Variants in CRX observed in about 807,000 individuals in gnomAD.
The protein encoded by CRX is cone-rod homeobox.
Under a neutral mutation model 13.1 loss-of-function variants are expected in CRX, and 5 were observed. The ratio of observed to expected loss-of-function variants is 0.38; its 90% CI spans 0.20 to 0.80. The LOEUF (loss-of-function observed/expected upper bound fraction) is 0.80. Among genes scored for constraint, CRX ranks in the 30% least tolerant of loss-of-function variants. The pLI is 0.43. For missense variants in CRX, 351 were observed against 391.8 expected, an observed-to-expected ratio of 0.90 and a Z score of 0.88; for synonymous variants, 179 against 171.1, an observed-to-expected ratio of 1.05 and a Z score of -0.36.
At chr19:47,832,937 T>TC (rs1356808274) in intron 1 of CRX, among the ~76,000 whole-genome samples, 4 of 152,000 alleles carry the variant, frequency 2.6e-5, no homozygotes, top group Admixed American at 6.6e-5. Context: ...AGTGTGCCTT[T>TC]CCCCACACTG....
At chr19:47,828,775 G>A (rs1394658946) in intron 1 of CRX, among the ~76,000 whole-genome samples, 1 of 151,890 alleles carries the variant, frequency 6.6e-6, no homozygotes, top group Non-Finnish European at 1.5e-5. Flanking sequence ...GCAAATAGCT[G>A]TGGAGGGTGA....
At position 47,840,291 on chromosome 19, in the gene CRX, A is replaced by G. The variant is rs1968178851; in HGVS notation, c.*324A>G. 8.3e-6 allele frequency: 3 copies of G among 362,800 alleles called. No homozygotes were observed. The highest frequency in any genetic ancestry group is 1.5e-5 in the Non-Finnish European group (3 of 194,232). The allele number at this position is 362,800 out of a possible 1,614,324, so 22.5% of individuals were successfully genotyped here. ...ACTTGCTCCAAGAAGAAGTCAAACCAAACTTGCAGTTGATTTGGGGTCATG... is the reference window on the plus strand; with the variant it reads ...ACTTGCTCCAAGAAGAAGTCAAACCGAACTTGCAGTTGATTTGGGGTCATG... On this transcript the variant is annotated 3_prime_UTR_variant, in exon 4 of 4. Coordinates refer to ENST00000221996, the MANE Select transcript of CRX (RefSeq NM_000554.6).
rs926357313 is a variant in CRX at position 47,834,598 on chromosome 19, C to T, written c.100+55C>T. 3.5e-6 allele frequency: 5 copies of T among 1,443,786 alleles called. No homozygotes were observed. In the South Asian group the frequency reaches 3.5e-5, roughly 10 times the overall value. 89.4% of individuals were successfully genotyped at this position (1,443,786 alleles called of 1,614,324 possible). On this transcript the variant is annotated intron_variant, in intron 2 of 3. Transcript: ENST00000221996. ...AGGCTGGCCTCATCTCTTGGAGGAC[C>T]TCTGGGGTCCCTTTGCCCCCAGGAA...
At position 47,839,724 on chromosome 19, in the gene CRX, C is replaced by G. The variant is rs769225000; in HGVS notation, c.657C>G (p.Asp219Glu). The change falls in exon 4 of 4, where the codon GAC becomes GAG. Residue 219 changes from aspartate (D) to glutamate (E), a missense_variant. Coordinates refer to ENST00000221996, the MANE Select transcript of CRX (RefSeq NM_000554.6). This position sits in a 1 kb window ranked among gnomAD's most constrained non-coding sequence, Gnocchi z 4.6. The stretch of plus-strand genomic sequence containing the variant: ...CGAGCTCCTATTTCAGCGGCCTAGA[C>G]CCCTACCTTTCTCCCATGGTGCCCC... ...GSPSSYFSGL[D>E]PYLSPMVPQL... The G allele has an allele frequency of 6.2e-6, 10 of 1,613,958 alleles. No individual in the cohort carries two copies. In the African/African-American group the frequency reaches 1.1e-4, roughly 17 times the overall value.
Position 47,839,776 on chromosome 19 carries a change from C to G in CRX, c.709C>G (p.Leu237Val), listed in dbSNP as rs900654983. Residue 237 changes from leucine to valine, a missense_variant, in exon 4 of 4, where the codon CTC (leucine) becomes GTC (valine). By Grantham distance (32) the Leu-to-Val change is conservative. Coordinates refer to ENST00000221996, the MANE Select transcript of CRX (RefSeq NM_000554.6). This position sits in a 1 kb window ranked among gnomAD's most constrained non-coding sequence, Gnocchi z 4.6. ...GCTAGGGGGCCCGGCTCTTAGCCCC[C>G]TCTCTGGCCCCTCCGTGGGACCTTC... ...PQLGGPALSP[L>V]SGPSVGPSLA... is the part of the protein sequence containing the mutation. 23 of 1,614,140 alleles carry G rather than the reference C, an allele frequency of 1.4e-5. No homozygotes were observed. Among genetic ancestry groups the G allele is most frequent in the Non-Finnish European group, 1.8e-5 (21 of 1,180,000 alleles).
chr19:47,838,329 GTTTA>G (rs994148663), intron 3 of CRX, among the ~76,000 whole-genome samples: 3 of 152,006 alleles, frequency 2.0e-5, no homozygotes, highest in Admixed American at 6.6e-5. Flanking sequence ...GACTGGATGG[GTTTA>G]TTTGTGTATA....
At chr19:47,828,930 ACACACACACAC>A (rs1555801205) in intron 1 of CRX, among the ~76,000 whole-genome samples, 3 of 150,922 alleles carry the variant, frequency 2.0e-5, no homozygotes, top group Non-Finnish European at 4.4e-5. Flanking sequence ...ACACACACAC[ACACACACACAC>A]AATTAAAAAG....
At chr19:47,825,256 C>T (rs530650536) in intron 1 of CRX, among the ~76,000 whole-genome samples, 1 of 151,810 alleles carries the variant, frequency 6.6e-6, no homozygotes, top group Admixed American at 6.6e-5. Context: ...GAGCCACTGG[C>T]CTGGCCTGTT....
chr19:47,835,266 C>T (rs1177092361), intron 2 of CRX, among the ~76,000 whole-genome samples: 5 of 151,830 alleles, frequency 3.3e-5, no homozygotes, highest in Non-Finnish European at 7.4e-5. Flanking sequence ...CTATGTTGCC[C>T]AGGCTGGTCT....
intron 1 of CRX, among the ~76,000 whole-genome samples, chr19:47,827,013 A>G (rs1049709732): frequency 2.6e-5 from 4 of 152,192 alleles, no homozygotes; most frequent in Admixed American, 6.6e-5. Flanking sequence ...TCCTCACAAC[A>G]TGGCGGCTGG....
At chr19:47,828,091 C>T (rs1489521680) in intron 1 of CRX, among the ~76,000 whole-genome samples, 2 of 151,330 alleles carry the variant, frequency 1.3e-5, no homozygotes, top group African/African-American at 2.4e-5. Context: ...GAGGCAGAGG[C>T]TGCAGTGAGC....
At chr19:47,826,529 CAGGAGGTCG>C (rs1398739402) in intron 1 of CRX, among the ~76,000 whole-genome samples, 1 of 152,070 alleles carries the variant, frequency 6.6e-6, no homozygotes, top group Non-Finnish European at 1.5e-5. Flanking sequence ...GGCTTGAGCT[CAGGAGGTCG>C]AGGCTGCAGT....
rs549093549 is a variant in CRX at position 47,827,111 on chromosome 19, G to A, written c.-36+5101G>A. 2.0e-5 allele frequency among the ~76,000 whole-genome samples: 3 copies of A among 152,292 alleles called. No homozygotes were observed. The South Asian group carries it at 6.2e-4, about 32-fold the overall frequency. On this transcript the variant is annotated intron_variant, in intron 1 of 3. Transcript: ENST00000221996. ...ACACGTCAGCCAGCTTGTTAGTAGG[G>A]ACTACACAGGGCATGAATATCAGGG...
intron 1 of CRX, among the ~76,000 whole-genome samples, chr19:47,828,121 T>G (rs886753305): frequency 7.9e-5 from 12 of 151,556 alleles, no homozygotes; most frequent in African/African-American, 2.7e-4. Context: ...GCCATTGCAC[T>G]CCAGCCTGGG....
intron 1 of CRX, among the ~76,000 whole-genome samples, chr19:47,824,990 ATT>A (rs11374819): frequency 1.3e-4 from 13 of 100,356 alleles, no homozygotes; most frequent in Admixed American, 3.7e-4. Flanking sequence ...CGATTGATTG[ATT>A]TTTTTTTTTT....
chr19:47,832,422 A>T (rs1282778071), intron 1 of CRX, among the ~76,000 whole-genome samples: 3 of 151,674 alleles, frequency 2.0e-5, no homozygotes, highest in East Asian at 3.9e-4. Flanking sequence ...TAAAAAAAAA[A>T]TTAATTTTTT....
chr19:47,829,862 T>C (rs1267983188), intron 1 of CRX, among the ~76,000 whole-genome samples: 2 of 151,418 alleles, frequency 1.3e-5, no homozygotes, highest in Non-Finnish European at 2.9e-5. Context: ...CTCGAACTCC[T>C]GGGCTCAAGC....
intron 2 of CRX, 36 bp downstream of exon 2, chr19:47,834,579 G>A: frequency 6.3e-7 from 1 of 1,577,056 alleles, no homozygotes; most frequent in Non-Finnish European, 8.7e-7. Flanking sequence ...CCCCAGGCTG[G>A]CCTCATCTCT....
rs1968196104 is a variant in CRX at position 47,841,483 on chromosome 19, C to T, written c.*1516C>T. 6.6e-6 allele frequency: 1 copy of T among 151,962 alleles called. No homozygotes were observed. Among genetic ancestry groups the T allele is most frequent in the African/African-American group, 2.4e-5 (1 of 41,376 alleles). 9.4% of individuals were successfully genotyped at this position (151,962 alleles called of 1,614,324 possible). A position where few individuals can be genotyped will look rare whatever the true frequency, so the allele number is the denominator to read the frequency against. On this transcript the variant is annotated 3_prime_UTR_variant, in exon 4 of 4. Coordinates refer to ENST00000221996, the MANE Select transcript of CRX (RefSeq NM_000554.6). ...GAGAAGCAGCAGCTAGACAGACTCC[C>T]ATCTGTAAATAAACAAGAGATAGGA...
Sources: allele counts gnomAD v4.1 joint callset (sites outside exome capture counted in the v4.1 genomes callset), GRCh38; gene constraint gnomAD v4.1.1; non-coding constraint Gnocchi (gnomAD v3.1); transcripts MANE v1.5; gene names NCBI Gene and HGNC (gene_info 2026-07-23, HGNC 2026-07-21).